Variants in RNF217 observed in about 807,000 individuals in gnomAD.
RNF217 encodes the protein ring finger protein 217.
RNF217 carries 31 observed loss-of-function variants against 57.8 expected under a neutral mutation model. That is an observed-to-expected ratio of 0.54 (90% CI 0.40 to 0.72). The LOEUF (loss-of-function observed/expected upper bound fraction) is 0.72. Among genes scored for constraint, RNF217 ranks in the 30% least tolerant of loss-of-function variants. The probability of loss-of-function intolerance (pLI) is 0.00; values close to 1 mark genes in which losing one functional copy is unlikely to be tolerated. For synonymous variants in RNF217, 313 were observed against 294.0 expected (o/e 1.06, Z -0.66); for missense variants, 696 against 708.3 (o/e 0.98, Z 0.20).
At chr6:124,968,623 A>G (rs1274926666) in intron 1 of RNF217, among the ~76,000 whole-genome samples, 3 of 152,186 alleles carry the variant, frequency 2.0e-5, no homozygotes, top group Non-Finnish European at 4.4e-5. Flanking sequence ...GAGGCTACAT[A>G]GAGAAACCTT....
At chr6:125,020,575 T>A (rs1171161820) in intron 1 of RNF217, among the ~76,000 whole-genome samples, 6 of 152,048 alleles carry the variant, frequency 3.9e-5, no homozygotes, top group Non-Finnish European at 8.8e-5. Context: ...TTTTTTTTTT[T>A]AAATTGCCCT....
At chr6:124,987,489 G>A (rs1183907413) in intron 1 of RNF217, among the ~76,000 whole-genome samples, 2 of 152,066 alleles carry the variant, frequency 1.3e-5, no homozygotes, top group African/African-American at 2.4e-5. Flanking sequence ...GCAATATGTG[G>A]TCTTTTGTAA....
intron 1 of RNF217, among the ~76,000 whole-genome samples, chr6:125,009,724 A>C (rs1377979395): frequency 6.6e-6 from 1 of 151,964 alleles, no homozygotes; most frequent in Non-Finnish European, 1.5e-5. Flanking sequence ...TCTCCTAACT[A>C]GTATCAGAGA....
At chr6:125,077,278 G>C (rs912378149) in intron 4 of RNF217, among the ~76,000 whole-genome samples, 1 of 151,880 alleles carries the variant, frequency 6.6e-6, no homozygotes, top group African/African-American at 2.4e-5. Flanking sequence ...GGAAGGCAGG[G>C]GAAAAAATCT....
chr6:124,982,013 C>T (rs140610507), intron 1 of RNF217, among the ~76,000 whole-genome samples: 1,784 of 123,354 alleles, frequency 0.014, 46 homozygotes, highest in African/African-American at 0.051. Flanking sequence ...GGCAACAGAG[C>T]GAGACTCTGT....
chr6:125,042,721 C>T (rs1172734477), intron 1 of RNF217, among the ~76,000 whole-genome samples: 1 of 152,082 alleles, frequency 6.6e-6, no homozygotes, highest in East Asian at 1.9e-4. Flanking sequence ...AACCTGCCCT[C>T]TTTAGCTGCC....
intron 1 of RNF217, among the ~76,000 whole-genome samples, chr6:125,032,057 G>T (rs1326367230): frequency 6.6e-6 from 1 of 152,172 alleles, no homozygotes; most frequent in Non-Finnish European, 1.5e-5. Flanking sequence ...GATCTCGTGA[G>T]ACTTATTCAT....
In RNF217 at chr6:125,086,978, A is replaced by C. The variant is rs531421373; in HGVS notation, c.*4041A>C. ...CCTATGAACCACTGTAATCATTTCC[A>C]GTCCCTGATGCCCCTCTTCAACCTC... On this transcript the variant is annotated 3_prime_UTR_variant, in exon 6 of 6. Coordinates refer to ENST00000521654, the MANE Select transcript of RNF217 (RefSeq NM_001286398.3). 1.2e-4 allele frequency: 19 copies of C among 152,210 alleles called. No homozygotes were observed. Among genetic ancestry groups the C allele is most frequent in the Admixed American group, 1.2e-3 (19 of 15,274 alleles). The allele number at this position is 152,210 out of a possible 1,614,324, so 9.4% of individuals were successfully genotyped here. A position where few individuals can be genotyped will look rare whatever the true frequency, so the allele number is the denominator to read the frequency against.
At chr6:125,050,903 G>A (rs1787288803) in intron 2 of RNF217, among the ~76,000 whole-genome samples, 1 of 151,842 alleles carries the variant, frequency 6.6e-6, no homozygotes, top group South Asian at 2.1e-4. Context: ...ATAGATTTAT[G>A]AGACAGTTAA....
rs1788932888 is a variant in RNF217 at position 125,091,067 on chromosome 6, T to G, written c.*8130T>G. 1 of 152,060 alleles carries G rather than the reference T, an allele frequency of 6.6e-6. No homozygotes were observed. Among genetic ancestry groups the G allele is most frequent in the Non-Finnish European group, 1.5e-5 (1 of 67,918 alleles). 9.4% of individuals were successfully genotyped at this position (152,060 alleles called of 1,614,324 possible). ...TCTTAAAAACCTAATTTCTTACACT[T>G]TTTAGAGCAATCAACTTATTTCCAA... On this transcript the variant is annotated 3_prime_UTR_variant, in exon 6 of 6. Transcript: ENST00000521654.
At chr6:125,021,268 CT>C (rs3080911) in intron 1 of RNF217, among the ~76,000 whole-genome samples, 78,979 of 130,048 alleles carry the variant, frequency 0.61, 23,462 homozygotes, top group Non-Finnish European at 0.7. Flanking sequence ...ATGGAAAAAG[CT>C]TTTTTTTTTT....
chr6:125,069,334 T>C (rs1788054101), intron 3 of RNF217, among the ~76,000 whole-genome samples: 1 of 152,184 alleles, frequency 6.6e-6, no homozygotes, highest in Admixed American at 6.5e-5. Context: ...TTCTTATTCA[T>C]TTGGAGTTTT....
intron 3 of RNF217, among the ~76,000 whole-genome samples, chr6:125,065,870 G>A (rs1787915065): frequency 6.6e-6 from 1 of 152,266 alleles, no homozygotes; most frequent in East Asian, 1.9e-4. Flanking sequence ...TGTGAGAAAA[G>A]CTATATATCC....
In RNF217 at chr6:124,973,682, GCATCAAT is replaced by G. The variant is rs1189470395; in HGVS notation, c.882+10258_882+10264del. 2.0e-5 allele frequency among the ~76,000 whole-genome samples: 3 copies of G among 152,192 alleles called. No individual in the cohort carries two copies. In the East Asian group the frequency reaches 5.8e-4, roughly 29 times the overall value. On this transcript the variant is annotated intron_variant, in intron 1 of 5. Coordinates refer to ENST00000521654, the MANE Select transcript of RNF217 (RefSeq NM_001286398.3). ...GTAATGGCAGAAACCCCAATGACTTGCATCAATCCAGTGAACTACTGTGGCCTGAGTC... is the reference window on the plus strand; with the variant it reads ...GTAATGGCAGAAACCCCAATGACTTGCCAGTGAACTACTGTGGCCTGAGTC...
chr6:125,071,751 T>C (rs1788155481), intron 3 of RNF217, among the ~76,000 whole-genome samples: 3 of 152,196 alleles, frequency 2.0e-5, no homozygotes, highest in African/African-American at 7.2e-5. Flanking sequence ...TAAATGTCAG[T>C]CATCCTTATT....
At chr6:125,051,917 G>T (rs1787333517) in intron 2 of RNF217, among the ~76,000 whole-genome samples, 1 of 151,974 alleles carries the variant, frequency 6.6e-6, no homozygotes, top group South Asian at 2.1e-4. Flanking sequence ...TGAAGAAATG[G>T]GTCCTCGGAC....
intron 1 of RNF217, chr6:125,009,329 C>T (rs1236792521): frequency 3.1e-6 from 4 of 1,286,984 alleles, no homozygotes; most frequent in Non-Finnish European, 4.5e-6. Flanking sequence ...GCTGCAGGAG[C>T]CCTTGTAATC....
intron 1 of RNF217, among the ~76,000 whole-genome samples, chr6:124,981,122 G>A (rs1268191725): frequency 2.6e-5 from 4 of 152,098 alleles, no homozygotes; most frequent in Non-Finnish European, 4.4e-5. Context: ...TGGTGCTTAA[G>A]AATACTGTTT....
chr6:124,990,459 C>T (rs1784518100), intron 1 of RNF217, among the ~76,000 whole-genome samples: 1 of 152,176 alleles, frequency 6.6e-6, no homozygotes, highest in Non-Finnish European at 1.5e-5. Context: ...CTCAAAAACT[C>T]AGTTCTTTTA....
Sources: allele counts gnomAD v4.1 joint callset (sites outside exome capture counted in the v4.1 genomes callset), GRCh38; gene constraint gnomAD v4.1.1; transcripts MANE v1.5; gene names NCBI Gene and HGNC (gene_info 2026-07-23, HGNC 2026-07-21).